IMPG1: variants seen among roughly 807,000 people sequenced by gnomAD.
IMPG1 encodes interphotoreceptor matrix proteoglycan of 150 kDa.
Under a neutral mutation model 92.0 loss-of-function variants are expected in IMPG1, and 85 were observed. The observed-to-expected ratio is 0.92, with a 90% CI of 0.78 to 1.11. IMPG1 has a LOEUF of 1.11. IMPG1 is among the 50% of genes least tolerant of loss of function. The pLI is 0.00. For missense variants in IMPG1, 1,022 were observed against 956.0 expected (o/e 1.07, Z -0.91); for synonymous variants, 367 against 334.1 (o/e 1.10, Z -1.08).
chr6:76,045,344 G>C (rs112619657), intron 1 of IMPG1, among the ~76,000 whole-genome samples: 1 of 151,464 alleles, frequency 6.6e-6, no homozygotes, highest in African/African-American at 2.4e-5. Flanking sequence ...TATTTCTGTC[G>C]TCTGGTGCAG....
At chr6:76,004,888 T>G (rs1783064219) in intron 10 of IMPG1, among the ~76,000 whole-genome samples, 1 of 152,202 alleles carries the variant, frequency 6.6e-6, no homozygotes, top group Non-Finnish European at 1.5e-5. Flanking sequence ...GTCCCTTTAT[T>G]AAACTCTCCT....
At chr6:76,034,512 T>G in intron 3 of IMPG1, 109 bp downstream of exon 3, 1 of 1,297,950 alleles carries the variant, frequency 7.7e-7, no homozygotes, top group Non-Finnish European at 1.1e-6. Flanking sequence ...CTCCAAGCAC[T>G]TCTTCAATTA....
intron 2 of IMPG1, among the ~76,000 whole-genome samples, chr6:76,040,168 T>G (rs1783810264): frequency 6.6e-6 from 1 of 152,318 alleles, no homozygotes; most frequent in African/African-American, 2.4e-5. Flanking sequence ...CTGTCATTGC[T>G]GTGGGGAGAA....
rs1783028949 is a variant in IMPG1 at position 76,003,105 on chromosome 6, T to C, written c.1213-109A>G. ...TTCATTTAAATTTAGGCAAACTATT[T>C]TGTTGTTGACTTGAATCTACTATGG... On this transcript the variant is annotated intron_variant, in intron 11 of 16. Coordinates refer to ENST00000369950, the MANE Select transcript of IMPG1 (RefSeq NM_001563.4). 5 of 757,542 alleles carry C rather than the reference T, an allele frequency of 6.6e-6. No homozygotes were observed. In the South Asian group the frequency reaches 7.6e-5, roughly 12 times the overall value. The allele number at this position is 757,542 out of a possible 1,614,324, so 46.9% of individuals were successfully genotyped here. A position where few individuals can be genotyped will look rare whatever the true frequency, so the allele number is the denominator to read the frequency against.
At chr6:75,964,538 G>A (rs1782269575) in intron 12 of IMPG1, among the ~76,000 whole-genome samples, 1 of 151,882 alleles carries the variant, frequency 6.6e-6, no homozygotes, top group Non-Finnish European at 1.5e-5. Flanking sequence ...TTAGCCAGGT[G>A]TGGTGGCGGG....
intron 12 of IMPG1, among the ~76,000 whole-genome samples, chr6:75,999,511 G>C (rs1018129697): frequency 6.6e-6 from 1 of 152,142 alleles, no homozygotes; most frequent in Non-Finnish European, 1.5e-5. Flanking sequence ...GGCCAGAACT[G>C]TTTTATGAGG....
chr6:75,924,439 T>C (rs1391171412), intron 15 of IMPG1, among the ~76,000 whole-genome samples: 1 of 112,144 alleles, frequency 8.9e-6, no homozygotes, highest in African/African-American at 3.5e-5. Flanking sequence ...TTAATATAAT[T>C]ATATAATATA....
chr6:75,996,450 C>A (rs941581511), intron 12 of IMPG1, among the ~76,000 whole-genome samples: 6 of 152,174 alleles, frequency 3.9e-5, no homozygotes, highest in Admixed American at 2.0e-4. Context: ...CTGCTTTTAT[C>A]CCCGCATAAG....
chr6:76,006,248 C>A (rs1329162936), intron 9 of IMPG1, among the ~76,000 whole-genome samples: 1 of 151,376 alleles, frequency 6.6e-6, no homozygotes, highest in Non-Finnish European at 1.5e-5. Context: ...CTTTCTTCTA[C>A]AAATAGCCTC....
At chr6:75,928,247 T>A (rs1219381970) in intron 15 of IMPG1, among the ~76,000 whole-genome samples, 1 of 151,854 alleles carries the variant, frequency 6.6e-6, no homozygotes, top group Non-Finnish European at 1.5e-5. Flanking sequence ...TCGCCCAGGC[T>A]GGAGTGCAAT....
chr6:76,043,276 T>C (rs1783875650), intron 1 of IMPG1, among the ~76,000 whole-genome samples: 1 of 152,088 alleles, frequency 6.6e-6, no homozygotes. Flanking sequence ...ATGGGGCTTA[T>C]AGAGATTTAT....
intron 1 of IMPG1, among the ~76,000 whole-genome samples, chr6:76,045,111 T>C (rs992290610): frequency 2.0e-5 from 3 of 152,200 alleles, no homozygotes; most frequent in African/African-American, 7.2e-5. Flanking sequence ...CCCCAGTTTA[T>C]AGCTGTTATT....
chr6:75,954,789 T>A (rs761764479), intron 12 of IMPG1, among the ~76,000 whole-genome samples: 3 of 152,204 alleles, frequency 2.0e-5, no homozygotes, highest in Non-Finnish European at 4.4e-5. Flanking sequence ...TTAATTTTTG[T>A]ATAAGGTATA....
chr6:75,953,587 C>T (rs1458977836), intron 12 of IMPG1, among the ~76,000 whole-genome samples: 1 of 151,298 alleles, frequency 6.6e-6, no homozygotes, highest in Non-Finnish European at 1.5e-5. Flanking sequence ...GACATGAACT[C>T]ATCCTTTTTT....
chr6:75,926,696 A>T (rs1047185759), intron 15 of IMPG1, among the ~76,000 whole-genome samples: 1 of 152,020 alleles, frequency 6.6e-6, no homozygotes, highest in Non-Finnish European at 1.5e-5. Context: ...TATACTGATA[A>T]TTGTGAGTAA....
intron 12 of IMPG1, among the ~76,000 whole-genome samples, chr6:75,975,925 A>G (rs1042262554): frequency 6.6e-6 from 1 of 152,216 alleles, no homozygotes; most frequent in African/African-American, 2.4e-5. Context: ...TATAATTTTC[A>G]TATGTCAAAA....
chr6:76,007,445 A>T (rs754706722), intron 9 of IMPG1, 35 bp downstream of exon 9: 1 of 1,511,750 alleles, frequency 6.6e-7, no homozygotes, highest in South Asian at 1.2e-5. Context: ...GGAGACGGGA[A>T]TGTACTATAT....
At chr6:75,924,043 C>CT (rs934874025) in intron 15 of IMPG1, among the ~76,000 whole-genome samples, 14 of 152,160 alleles carry the variant, frequency 9.2e-5, no homozygotes, top group African/African-American at 3.1e-4. Context: ...CCACAATAAA[C>CT]TGTCACCTTA....
chr6:76,032,058 A>C (rs1783661646), intron 4 of IMPG1, among the ~76,000 whole-genome samples: 1 of 152,232 alleles, frequency 6.6e-6, no homozygotes, highest in Admixed American at 6.5e-5. Context: ...GTTTAAAGTA[A>C]AAGATAATTT....
Sources: allele counts gnomAD v4.1 joint callset (sites outside exome capture counted in the v4.1 genomes callset), GRCh38; gene constraint gnomAD v4.1.1; transcripts MANE v1.5; gene names NCBI Gene and HGNC (gene_info 2026-07-23, HGNC 2026-07-21).